Variants in SLC25A30 observed in about 807,000 individuals in gnomAD.
SLC25A30 encodes kidney mitochondrial carrier protein 1.
A neutral mutation model predicts 42.7 loss-of-function variants in SLC25A30; 29 were observed. The ratio of observed to expected loss-of-function variants is 0.68; its 90% CI spans 0.51 to 0.93. The LOEUF (loss-of-function observed/expected upper bound fraction) is 0.93. Ranked by LOEUF, SLC25A30 falls within the 40% of genes least tolerant of loss-of-function variation. SLC25A30 has a pLI of 0.00. For missense variants in SLC25A30, 300 were observed against 359.7 expected (o/e 0.83, Z 1.34); for synonymous variants, 124 against 131.0 (o/e 0.95, Z 0.37).
intron 6 of SLC25A30, among the ~76,000 whole-genome samples, chr13:45,402,015 G>A (rs543405890): frequency 6.4e-5 from 9 of 141,510 alleles, no homozygotes; most frequent in Non-Finnish European, 9.0e-5. Context: ...AGCCAAGATC[G>A]TGCCATTGCA....
intron 2 of SLC25A30, among the ~76,000 whole-genome samples, chr13:45,409,931 G>A (rs1374743122): frequency 6.6e-6 from 1 of 152,202 alleles, no homozygotes; most frequent in African/African-American, 2.4e-5. Context: ...CTGTGTCAAT[G>A]GGAAAGCCCA....
intron 1 of SLC25A30, among the ~76,000 whole-genome samples, chr13:45,416,807 G>C (rs992814518): frequency 2.0e-5 from 3 of 151,982 alleles, no homozygotes; most frequent in Non-Finnish European, 4.4e-5. Context: ...CAAGTTTTCT[G>C]AATGAAATTG....
At chr13:45,426,371 C>A in the SLC25A30 span, among the ~76,000 whole-genome samples, 1 of 152,166 alleles carries the variant, frequency 6.6e-6, no homozygotes, top group Admixed American at 6.5e-5. Context: ...AGGCATGAGC[C>A]ACCGCCCCCG....
chr13:45,402,734 T>C (rs1882120282), intron 5 of SLC25A30: 1 of 976,194 alleles, frequency 1.0e-6, no homozygotes, highest in African/African-American at 1.7e-5. Flanking sequence ...AGGTTTAATC[T>C]AATTAATGAG....
At chr13:45,423,741 A>T in the SLC25A30 span, among the ~76,000 whole-genome samples, 25 of 19,636 alleles carry the variant, frequency 1.3e-3, 8 homozygotes, top group Admixed American at 1.9e-3. Flanking sequence ...AATATATATA[A>T]ATATATAAAT....
At chr13:45,407,781 C>T (rs540579045) in intron 3 of SLC25A30, among the ~76,000 whole-genome samples, 25 of 152,196 alleles carry the variant, frequency 1.6e-4, no homozygotes, top group Non-Finnish European at 3.1e-4. Context: ...CAGCTACACA[C>T]TGGCAAAAAC....
chr13:45,401,232 A>G, intron 6 of SLC25A30, 25 bp from the exon 7 acceptor site: 1 of 1,612,172 alleles, frequency 6.2e-7, no homozygotes, highest in South Asian at 1.1e-5. Flanking sequence ...TAACAATAAA[A>G]ATGATTCTGA....
At chr13:45,425,943 T>A in the SLC25A30 span, among the ~76,000 whole-genome samples, 480 of 147,984 alleles carry the variant, frequency 3.2e-3, 2 homozygotes, top group African/African-American at 0.011. Flanking sequence ...TCCACCTGCC[T>A]CAGCCTCCCA....
intron 9 of SLC25A30, chr13:45,396,366 T>C: frequency 2.7e-6 from 3 of 1,124,656 alleles, no homozygotes; most frequent in Non-Finnish European, 3.3e-6. Flanking sequence ...CCTGGGAAGC[T>C]CTCCTCAAAG....
chr13:45,398,471 A>C (rs918306253), intron 8 of SLC25A30: 1 of 139,434 alleles, frequency 7.2e-6, no homozygotes, highest in Non-Finnish European at 1.5e-5. Flanking sequence ...AAAATAAATA[A>C]ATAAATATCA....
Position 45,394,615 on chromosome 13 carries a change from T to A in SLC25A30, c.*1359A>T. The A allele has an allele frequency of 3.0e-6, 3 of 985,322 alleles. No individual in the cohort carries two copies. The highest frequency in any genetic ancestry group is 3.6e-6 in the Non-Finnish European group (3 of 829,916). 61.0% of individuals were successfully genotyped at this position (985,322 alleles called of 1,614,324 possible). The stretch of plus-strand genomic sequence containing the variant: ...GGGTTCTCACAGTCATCTTTTATTT[T>A]GAAAAGACTAAGATGAAGACAAGAA... On this transcript the variant is annotated 3_prime_UTR_variant, in exon 10 of 10. Transcript: ENST00000519676.
At chr13:45,428,516 A>ACTTT in the SLC25A30 span, among the ~76,000 whole-genome samples, 2 of 101,348 alleles carry the variant, frequency 2.0e-5, no homozygotes, top group Non-Finnish European at 2.0e-5. Flanking sequence ...CTTCTTTTTA[A>ACTTT]CTTTTTTTTT....
the SLC25A30 span, among the ~76,000 whole-genome samples, chr13:45,426,212 G>T: frequency 3.3e-5 from 5 of 151,864 alleles, no homozygotes; most frequent in Admixed American, 3.3e-4. Flanking sequence ...TCAGCCTCCT[G>T]AGTGGCTGGG....
chr13:45,396,030 T>G lies in SLC25A30; in HGVS notation c.835-15A>C. On this transcript the variant is annotated splice_polypyrimidine_tract_variant and intron_variant, in intron 9 of 9. Coordinates refer to ENST00000519676, the MANE Select transcript of SLC25A30 (RefSeq NM_001010875.4). ...GTCACAAAGAACTGTGGTTATGGGT[T>G]AAGGATGACACAGAAAATGCCATCT... is the stretch of plus-strand genomic sequence containing the variant. The G allele has an allele frequency of 2.5e-6, 4 of 1,614,216 alleles. No homozygotes were observed. In the South Asian group the frequency reaches 4.4e-5, roughly 18 times the overall value.
upstream of SLC25A30, among the ~76,000 whole-genome samples, chr13:45,421,103 G>T (rs968598439): frequency 6.6e-6 from 1 of 152,010 alleles, no homozygotes; most frequent in Non-Finnish European, 1.5e-5. Flanking sequence ...AAAAGGCCAG[G>T]CGTGGTGGCT....
rs1479723764 is a variant in SLC25A30 at position 45,397,403 on chromosome 13, A to G, written c.754-65T>C. On this transcript the variant is annotated intron_variant, in intron 8 of 9. Transcript: ENST00000519676. Reference sequence around the variant, plus strand: ...AATTATGCCAAATGCATTAATAATTAGTGGCCAGGCCAGGCGCGGTGGCTC... The same window carrying G: ...AATTATGCCAAATGCATTAATAATTGGTGGCCAGGCCAGGCGCGGTGGCTC... 159 of 1,240,916 alleles carry G rather than the reference A, an allele frequency of 1.3e-4. 1 individual carries two copies. The highest frequency in any genetic ancestry group is 1.2e-5 in the Non-Finnish European group (10 of 855,304). The allele number at this position is 1,240,916 out of a possible 1,614,324, so 76.9% of individuals were successfully genotyped here.
Position 45,393,500 on chromosome 13 carries a change from T to A in SLC25A30, c.*2474A>T. On this transcript the variant is annotated 3_prime_UTR_variant, in exon 10 of 10. Coordinates refer to ENST00000519676, the MANE Select transcript of SLC25A30 (RefSeq NM_001010875.4). ...TAAAGGACAGGAGCCACTTTTTATA[T>A]TATGAATCCACAACATTAAGCATCA... The A allele has an allele frequency of 1.6e-5, 16 of 985,350 alleles. No homozygotes were observed. The highest frequency in any genetic ancestry group is 1.9e-5 in the Non-Finnish European group (16 of 829,866). The allele number at this position is 985,350 out of a possible 1,614,324, so 61.0% of individuals were successfully genotyped here. A position where few individuals can be genotyped will look rare whatever the true frequency, so the allele number is the denominator to read the frequency against.
Position 45,395,838 on chromosome 13 carries a change from A to G in SLC25A30, c.*136T>C. The G allele has an allele frequency of 4.4e-6, 7 of 1,575,614 alleles. No homozygotes were observed. Among genetic ancestry groups the G allele is most frequent in the Non-Finnish European group, 5.2e-6 (6 of 1,161,764 alleles). On this transcript the variant is annotated 3_prime_UTR_variant, in exon 10 of 10. Transcript: ENST00000519676. Reference sequence around the variant, plus strand: ...ATGCCAACACACAGCAATCTCAACTAACCCAGTCTTCATCTGTTGCTCACA... The same window carrying G: ...ATGCCAACACACAGCAATCTCAACTGACCCAGTCTTCATCTGTTGCTCACA...
Position 45,395,936 on chromosome 13 carries a change from A to T in SLC25A30, c.*38T>A. ...AGGAAGCTTTGCTGTTTCAGAAGTT[A>T]CCATTTTCAGAAAGATGTCTCATGC... On this transcript the variant is annotated 3_prime_UTR_variant, in exon 10 of 10. Coordinates refer to ENST00000519676, the MANE Select transcript of SLC25A30 (RefSeq NM_001010875.4). The T allele has an allele frequency of 1.2e-6, 2 of 1,614,170 alleles. No individual in the cohort carries two copies. Among genetic ancestry groups the T allele is most frequent in the Non-Finnish European group, 1.7e-6 (2 of 1,180,014 alleles).
Sources: gnomAD v4.1 joint callset for allele counts (sites outside exome capture counted in the v4.1 genomes callset) on GRCh38, gnomAD v4.1.1 for gene constraint, MANE v1.5 for transcripts, NCBI Gene and HGNC (gene_info 2026-07-23, HGNC 2026-07-21) for gene names.